RAB3C: variants seen among roughly 807,000 people sequenced by gnomAD.
RAB3C encodes the protein ras-related protein Rab-3C.
A neutral mutation model predicts 26.4 loss-of-function variants in RAB3C; 17 were observed. That is an observed-to-expected ratio of 0.64 (90% CI 0.44 to 0.97). The LOEUF (loss-of-function observed/expected upper bound fraction) is 0.97, where lower values mean the gene tolerates loss of function less well. Ranked by LOEUF, RAB3C falls within the 50% of genes least tolerant of loss-of-function variation. The pLI, the probability that RAB3C is intolerant of heterozygous loss-of-function variation, is 0.00. For synonymous variants in RAB3C, 91 were observed against 95.9 expected (o/e 0.95, Z 0.30); for missense variants, 242 against 281.9 (o/e 0.86, Z 1.01).
At chr5:58,660,052 G>A (rs1391962914) in intron 2 of RAB3C, among the ~76,000 whole-genome samples, 12 of 142,308 alleles carry the variant, frequency 8.4e-5, no homozygotes, top group Non-Finnish European at 1.5e-4. Flanking sequence ...CAATCCGCCC[G>A]CCTCGGCCTC....
chr5:58,833,651 G>C (rs968434381), intron 4 of RAB3C, among the ~76,000 whole-genome samples: 7 of 152,198 alleles, frequency 4.6e-5, no homozygotes, highest in African/African-American at 1.7e-4. Flanking sequence ...CTAACAGGCA[G>C]AAGGGAAGAC....
intron 2 of RAB3C, among the ~76,000 whole-genome samples, chr5:58,721,154 A>T (rs1367007253): frequency 1.3e-5 from 2 of 151,330 alleles, no homozygotes; most frequent in Admixed American, 1.3e-4. Context: ...ATATTCAAGT[A>T]TTTGTTAATC....
chr5:58,835,512 T>C (rs1310481245), intron 4 of RAB3C, among the ~76,000 whole-genome samples: 1 of 152,220 alleles, frequency 6.6e-6, no homozygotes, highest in Non-Finnish European at 1.5e-5. Flanking sequence ...ACATGTCTCC[T>C]GTCCCATCTC....
rs150234772 is a variant in RAB3C at position 58,633,655 on chromosome 5, T to C, written c.252+15785T>C. 2.6e-5 allele frequency among the ~76,000 whole-genome samples: 4 copies of C among 152,276 alleles called. No homozygotes were observed. The East Asian group carries it at 7.7e-4, about 29-fold the overall frequency. On this transcript the variant is annotated intron_variant, in intron 2 of 4. Transcript: ENST00000282878. ...GATTTTGATTTTTCTTAACTGCCTC[T>C]TCCACTAAGTTATATGGGCTCCTAA...
intron 3 of RAB3C, among the ~76,000 whole-genome samples, chr5:58,782,417 C>T (rs545721855): frequency 3.3e-5 from 5 of 152,236 alleles, no homozygotes; most frequent in East Asian, 1.9e-4. Flanking sequence ...AATTTCTCAC[C>T]GCATGCTTTA....
In RAB3C at chr5:58,747,733, T is replaced by TTA. The variant is rs563075775; in HGVS notation, c.371+21623_371+21624dup. Among the ~76,000 whole-genome samples, 266 of 151,270 alleles carry TTA rather than the reference T, an allele frequency of 1.8e-3. 1 individual carries two copies. The highest frequency in any genetic ancestry group is 5.5e-3 in the African/African-American group (227 of 41,352). ...TGTCTCTCTCTCTGGAGATATGATT[T>TTA]TATATATATATGTTATATATATGTA... On this transcript the variant is annotated intron_variant, in intron 3 of 4. Transcript: ENST00000282878.
At chr5:58,765,267 T>C (rs1741875328) in intron 3 of RAB3C, among the ~76,000 whole-genome samples, 2 of 152,142 alleles carry the variant, frequency 1.3e-5, no homozygotes, top group African/African-American at 2.4e-5. Context: ...CAATTAAAAA[T>C]TGAGCTATGA....
At chr5:58,817,962 G>T (rs918002845) in intron 3 of RAB3C, among the ~76,000 whole-genome samples, 36 of 152,218 alleles carry the variant, frequency 2.4e-4, no homozygotes, top group African/African-American at 8.7e-4. Flanking sequence ...ATGCAGTAGA[G>T]CAATATTAGC....
intron 1 of RAB3C, among the ~76,000 whole-genome samples, chr5:58,605,988 GAA>G (rs1384464547): frequency 6.6e-6 from 1 of 152,188 alleles, no homozygotes; most frequent in Non-Finnish European, 1.5e-5. Context: ...GTTCGACACT[GAA>G]GACGGGTGAT....
chr5:58,851,087 T>C (rs1231951176), intron 4 of RAB3C, 77 bp from the exon 5 acceptor site: 21 of 1,406,932 alleles, frequency 1.5e-5, no homozygotes, highest in Admixed American at 4.1e-5. Context: ...CTCATCACTA[T>C]TGAAAGCCAT....
At chr5:58,686,881 G>A (rs1225563900) in intron 2 of RAB3C, among the ~76,000 whole-genome samples, 3 of 151,948 alleles carry the variant, frequency 2.0e-5, no homozygotes, top group Non-Finnish European at 2.9e-5. Flanking sequence ...CTTGGAGGAG[G>A]GTAGAAGCCT....
intron 2 of RAB3C, among the ~76,000 whole-genome samples, chr5:58,655,593 C>CA (rs1214280219): frequency 1.3e-5 from 2 of 151,910 alleles, no homozygotes; most frequent in Non-Finnish European, 2.9e-5. Context: ...TCTTAATTAA[C>CA]AAAATTTTTT....
intron 2 of RAB3C, among the ~76,000 whole-genome samples, chr5:58,725,514 C>T (rs1347461972): frequency 6.6e-6 from 1 of 151,820 alleles, no homozygotes; most frequent in Non-Finnish European, 1.5e-5. Context: ...TTTAAATAAG[C>T]TTTCTATCCC....
intron 2 of RAB3C, among the ~76,000 whole-genome samples, chr5:58,673,290 T>TA (rs1211198553): frequency 6.6e-6 from 1 of 152,122 alleles, no homozygotes; most frequent in Admixed American, 6.5e-5. Context: ...ATTACAGTAA[T>TA]TTCACTTTAA....
At chr5:58,756,347 T>TTATATA (rs751608748) in intron 3 of RAB3C, among the ~76,000 whole-genome samples, 1 of 136,276 alleles carries the variant, frequency 7.3e-6, no homozygotes, top group African/African-American at 3.0e-5. Context: ...CATATATATG[T>TTATATA]TATATATATA....
At chr5:58,620,915 A>G (rs1746924294) in intron 2 of RAB3C, among the ~76,000 whole-genome samples, 1 of 151,858 alleles carries the variant, frequency 6.6e-6, no homozygotes, top group Admixed American at 6.6e-5. Context: ...AAGTATAGGC[A>G]TTCCTATGAT....
chr5:58,698,695 C>G (rs1459058507), intron 2 of RAB3C, among the ~76,000 whole-genome samples: 2 of 152,160 alleles, frequency 1.3e-5, no homozygotes, highest in Non-Finnish European at 2.9e-5. Context: ...CACTGATACC[C>G]TTTCTTCCAC....
At chr5:58,775,871 T>C (rs1742121228) in intron 3 of RAB3C, among the ~76,000 whole-genome samples, 1 of 152,112 alleles carries the variant, frequency 6.6e-6, no homozygotes, top group Non-Finnish European at 1.5e-5. Context: ...GTGTTACTCA[T>C]CATTTCCCCA....
chr5:58,850,402 C>G (rs1353718971), intron 4 of RAB3C, among the ~76,000 whole-genome samples: 2 of 152,106 alleles, frequency 1.3e-5, no homozygotes, highest in African/African-American at 4.8e-5. Context: ...TATACAAAGC[C>G]CTGGAGGGCT....
Sources: allele counts gnomAD v4.1 joint callset (sites outside exome capture counted in the v4.1 genomes callset), GRCh38; gene constraint gnomAD v4.1.1; transcripts MANE v1.5; gene names NCBI Gene and HGNC (gene_info 2026-07-23, HGNC 2026-07-21).